Variants in DLGAP2 observed in about 807,000 individuals in gnomAD.
DLGAP2 encodes disks large-associated protein 2.
In DLGAP2, 26 loss-of-function variants were observed where a neutral mutation model predicts 100.3. That is an observed-to-expected ratio of 0.26 (90% CI 0.19 to 0.36). The LOEUF (loss-of-function observed/expected upper bound fraction) is 0.36, where lower values mean the gene tolerates loss of function less well. Among genes scored for constraint, DLGAP2 ranks in the 10% least tolerant of loss-of-function variants. The pLI is 1.00. For synonymous variants in DLGAP2, 886 were observed against 630.1 expected, an observed-to-expected ratio of 1.41 and a Z score of -6.08; for missense variants, 1,858 against 1,453.2, an observed-to-expected ratio of 1.28 and a Z score of -4.53.
At chr8:1,311,836 C>T (rs536276242) in intron 3 of DLGAP2, among the ~76,000 whole-genome samples, 19 of 152,268 alleles carry the variant, frequency 1.2e-4, no homozygotes, top group African/African-American at 4.3e-4. Context: ...GGGAATAAAT[C>T]TCCAAGAAGA....
At chr8:1,661,301 G>T in intron 8 of DLGAP2, among the ~76,000 whole-genome samples, 1 of 152,180 alleles carries the variant, frequency 6.6e-6, no homozygotes, top group East Asian at 1.9e-4. Context: ...ATGACCACCT[G>T]TTCTCCATGG....
In DLGAP2 at chr8:1,695,201, G is replaced by A. The variant is rs60441846; in HGVS notation, c.2797-1946G>A. Among the ~76,000 whole-genome samples, 40 of 145,330 alleles carry A rather than the reference G, an allele frequency of 2.8e-4. 1 individual carries two copies. Among genetic ancestry groups the A allele is most frequent in the Admixed American group, 1.9e-3 (29 of 14,880 alleles). ...TTCCCCCACACCATCAGGCACAGCCGTGCCCGGCCCTACAGAAAGAGGGGC... is the reference window on the plus strand; with the variant it reads ...TTCCCCCACACCATCAGGCACAGCCATGCCCGGCCCTACAGAAAGAGGGGC... On this transcript the variant is annotated intron_variant, in intron 13 of 14. Transcript: ENST00000637795.
At chr8:1,537,575 G>T (rs934369516) in intron 4 of DLGAP2, among the ~76,000 whole-genome samples, 10 of 152,086 alleles carry the variant, frequency 6.6e-5, no homozygotes, top group Non-Finnish European at 1.2e-4. Flanking sequence ...ATTAGACTTT[G>T]AACACCAGAT....
chr8:1,416,341 C>T (rs2129906782), intron 3 of DLGAP2, among the ~76,000 whole-genome samples: 1 of 152,304 alleles, frequency 6.6e-6, no homozygotes, highest in East Asian at 1.9e-4. Context: ...TGTCCGCCTT[C>T]GTATTTCAGA....
chr8:1,051,626 G>A (rs189282928), intron 2 of DLGAP2, among the ~76,000 whole-genome samples: 2 of 152,160 alleles, frequency 1.3e-5, no homozygotes, highest in Non-Finnish European at 2.9e-5. Context: ...ATTTTCTGGG[G>A]TCTTAAATGG....
At chr8:1,465,137 C>A (rs1267141291) in intron 3 of DLGAP2, among the ~76,000 whole-genome samples, 1 of 152,204 alleles carries the variant, frequency 6.6e-6, no homozygotes, top group Non-Finnish European at 1.5e-5. Context: ...AGGGCTGGGT[C>A]CCCAAGACCA....
At chr8:861,198 C>T (rs972384527) in intron 1 of DLGAP2, among the ~76,000 whole-genome samples, 2 of 152,162 alleles carry the variant, frequency 1.3e-5, no homozygotes, top group Non-Finnish European at 2.9e-5. Flanking sequence ...GTTCCCTACA[C>T]GATACAGTAT....
chr8:1,341,994 G>A lies in DLGAP2; in HGVS notation c.106+83111G>A, dbSNP rs184247216. Among the ~76,000 whole-genome samples the A allele has an allele frequency of 2.6e-3, 397 of 152,116 alleles. 2 individuals are homozygous for A. The highest frequency in any genetic ancestry group is 0.01 in the Middle Eastern group (3 of 294). ...GAGACGGCATCTCTCTCTGTCACCC[G>A]GGCTGGAGTGCAATGGTGTGATCTC... On this transcript the variant is annotated intron_variant, in intron 3 of 14. Coordinates refer to ENST00000637795, the MANE Select transcript of DLGAP2 (RefSeq NM_001346810.2).
chr8:1,610,915 A>G (rs1334785235), intron 6 of DLGAP2, among the ~76,000 whole-genome samples: 4 of 99,452 alleles, frequency 4.0e-5, no homozygotes, highest in Non-Finnish European at 7.8e-5. Flanking sequence ...CCAACCAAAA[A>G]GAGTCCAGGA....
intron 3 of DLGAP2, among the ~76,000 whole-genome samples, chr8:1,342,522 C>T (rs1444991113): frequency 8.3e-3 from 1 of 120 alleles, no homozygotes; most frequent in Non-Finnish European, 0.019. Flanking sequence ...GGTTTGTGGG[C>T]CGTGCGGCTC....
At chr8:1,516,745 G>T (rs1255221941) in intron 4 of DLGAP2, among the ~76,000 whole-genome samples, 1 of 152,084 alleles carries the variant, frequency 6.6e-6, no homozygotes, top group Non-Finnish European at 1.5e-5. Context: ...GAAAATGAGT[G>T]GGTGACTGAG....
intron 2 of DLGAP2, among the ~76,000 whole-genome samples, chr8:1,195,275 C>A (rs1222159991): frequency 1.3e-5 from 2 of 152,196 alleles, no homozygotes; most frequent in Non-Finnish European, 2.9e-5. Context: ...GCCAAGCACC[C>A]AGTTAGAACT....
intron 1 of DLGAP2, among the ~76,000 whole-genome samples, chr8:790,250 C>G (rs1486659051): frequency 6.6e-6 from 1 of 152,132 alleles, no homozygotes; most frequent in African/African-American, 2.4e-5. Context: ...AGAGGCTGGA[C>G]AAGCACCATG....
At chr8:794,313 G>T (rs559969398) in intron 1 of DLGAP2, among the ~76,000 whole-genome samples, 1 of 152,154 alleles carries the variant, frequency 6.6e-6, no homozygotes, top group South Asian at 2.1e-4. Context: ...AGTGGTGCTA[G>T]AGGAATTAAA....
chr8:1,512,362 G>T (rs768748781), intron 4 of DLGAP2, among the ~76,000 whole-genome samples: 1 of 152,086 alleles, frequency 6.6e-6, no homozygotes, highest in Non-Finnish European at 1.5e-5. Flanking sequence ...AGCAGAAATC[G>T]CCAGCTAGTG....
chr8:861,783 G>T (rs767317737), intron 1 of DLGAP2, among the ~76,000 whole-genome samples: 61 of 152,328 alleles, frequency 4.0e-4, no homozygotes, highest in Non-Finnish European at 7.9e-4. Flanking sequence ...TTTGCAGGCA[G>T]GACACACCTA....
intron 2 of DLGAP2, among the ~76,000 whole-genome samples, chr8:1,105,943 T>C (rs1180446718): frequency 6.7e-6 from 1 of 148,602 alleles, no homozygotes; most frequent in Non-Finnish European, 1.5e-5. Flanking sequence ...GAGTGTTTTC[T>C]ATTGAAGGGA....
chr8:984,036 G>A (rs1321584109), intron 2 of DLGAP2, among the ~76,000 whole-genome samples: 1 of 152,140 alleles, frequency 6.6e-6, no homozygotes, highest in Non-Finnish European at 1.5e-5. Flanking sequence ...AATGGTCCTT[G>A]GGTGTGCGGG....
chr8:1,175,244 T>A (rs374231879), intron 2 of DLGAP2, among the ~76,000 whole-genome samples: 28,437 of 149,700 alleles, frequency 0.19, 2,730 homozygotes, highest in Middle Eastern at 0.34. Context: ...TGCTTGATTT[T>A]AAAAAAAAAA....
Sources: gnomAD v4.1 joint callset for allele counts (sites outside exome capture counted in the v4.1 genomes callset) on GRCh38, gnomAD v4.1.1 for gene constraint, MANE v1.5 for transcripts, NCBI Gene and HGNC (gene_info 2026-07-23, HGNC 2026-07-21) for gene names.